The following TCF25 variants were observed in gnomAD, a reference collection of about 807,000 sequenced individuals.
TCF25 encodes ribosome quality control complex subunit TCF25.
A neutral mutation model predicts 83.1 loss-of-function variants in TCF25; 41 were observed. That is an observed-to-expected ratio of 0.49 (90% CI 0.38 to 0.64). The LOEUF is 0.64. Ranked by LOEUF, TCF25 falls within the 30% of genes least tolerant of loss-of-function variation. TCF25 has a pLI of 0.00. For missense variants in TCF25, 979 were observed against 914.5 expected, an observed-to-expected ratio of 1.07 and a Z score of -0.91; for synonymous variants, 458 against 365.0, an observed-to-expected ratio of 1.25 and a Z score of -2.90.
intron 5 of TCF25, chr16:89,889,325 A>T (rs1394156139): frequency 3.4e-6 from 1 of 297,252 alleles, no homozygotes; most frequent in East Asian, 1.2e-4. Flanking sequence ...CTACCGGCAC[A>T]TGCCACCGCT....
chr16:89,893,836 C>T lies in TCF25; in HGVS notation c.806C>T (p.Ser269Phe), dbSNP rs1467135617. The T allele has an allele frequency of 1.2e-6, 2 of 1,609,418 alleles. No homozygotes were observed. Among genetic ancestry groups the T allele is most frequent in the Non-Finnish European group, 8.5e-7 (1 of 1,178,064 alleles). The change falls in exon 7 of 18, where the codon TCT becomes TTT. Residue 269 changes from serine (S) to phenylalanine (F), a missense_variant. By Grantham distance (155) the Ser-to-Phe change is radical. Coordinates refer to ENST00000263346, the MANE Select transcript of TCF25 (RefSeq NM_014972.3). ...AQHKFLVAVE[S>F]MEPNNIVVLL... ...CACAAGTTCCTGGTGGCCGTGGAGTCTATGGAGCCGAACAACATCGTGGTG... is the reference window on the plus strand; with the variant it reads ...CACAAGTTCCTGGTGGCCGTGGAGTTTATGGAGCCGAACAACATCGTGGTG...
intron 4 of TCF25, among the ~76,000 whole-genome samples, chr16:89,887,373 G>A (rs987556774): frequency 1.3e-5 from 2 of 151,692 alleles, no homozygotes; most frequent in East Asian, 1.9e-4. Flanking sequence ...GCACTGCCCC[G>A]ACTCAGCCTC....
At chr16:89,910,332 C>T (rs996810567) in intron 16 of TCF25, 7 of 547,384 alleles carry the variant, frequency 1.3e-5, no homozygotes, top group South Asian at 2.3e-5. Flanking sequence ...AGCCTCGCTC[C>T]GGACGCCACG....
chr16:89,893,450 C>T (rs776003615), intron 6 of TCF25, among the ~76,000 whole-genome samples: 2 of 152,242 alleles, frequency 1.3e-5, no homozygotes, highest in Non-Finnish European at 2.9e-5. Flanking sequence ...CTGACATTCC[C>T]TCCAGGCCAG....
At chr16:89,897,427 C>A (rs8051500) in intron 9 of TCF25, among the ~76,000 whole-genome samples, 6,429 of 152,328 alleles carry the variant, frequency 0.042, 486 homozygotes, top group African/African-American at 0.15. Flanking sequence ...GTTTCTCTGG[C>A]CGCCCTGGGT....
intron 13 of TCF25, 92 bp from the exon 14 acceptor site, chr16:89,904,846 C>T (rs747789415): frequency 1.4e-6 from 2 of 1,459,676 alleles, no homozygotes; most frequent in Admixed American, 2.0e-5. Context: ...ACTCCCTGGA[C>T]CCCCCGTCTG....
chr16:89,882,789 G>A (rs1467447490), intron 1 of TCF25, among the ~76,000 whole-genome samples: 1 of 152,196 alleles, frequency 6.6e-6, no homozygotes, highest in Non-Finnish European at 1.5e-5. Context: ...GTTTCGCCAT[G>A]TTGGCCAGGC....
chr16:89,900,691 T>G lies in TCF25; in HGVS notation c.1278T>G (p.Tyr426Ter). The G allele has an allele frequency of 6.2e-7, 1 of 1,605,874 alleles. No homozygotes were observed. The highest frequency in any genetic ancestry group is 1.1e-5 in the South Asian group (1 of 90,878). The change falls in exon 12 of 18, where the codon TAT (tyrosine) becomes TAG (stop). Residue 426 changes from tyrosine to a stop codon, truncating the protein, a stop_gained. Transcript: ENST00000263346. LOFTEE classifies it high-confidence loss of function. The stretch of plus-strand genomic sequence containing the variant: ...TTGCCTTCTCTGTTCCACTGGCGTA[T>G]TTCCTGCTGAGCCAGCAGACAGACC... ...PNFAFSVPLA[Y>*]FLLSQQTDLP...
At position 89,898,526 on chromosome 16, in the gene TCF25, T is replaced by C. The variant is rs200237629; in HGVS notation, c.1023-31T>C. 337 of 1,549,564 alleles carry C rather than the reference T, an allele frequency of 2.2e-4. No individual in the cohort carries two copies. The South Asian group carries it at 2.6e-3, about 12-fold the overall frequency. On this transcript the variant is annotated intron_variant, in intron 9 of 17. Transcript: ENST00000263346. ...CAGAGAGCATTCTCCTTTGTGTCGT[T>C]GTAATTCATGTGGAACTATTTTGGA...
intron 1 of TCF25, among the ~76,000 whole-genome samples, chr16:89,875,109 C>G (rs936833463): frequency 2.0e-5 from 3 of 152,222 alleles, no homozygotes; most frequent in African/African-American, 4.8e-5. Context: ...AAATAGTCCT[C>G]TCACCTTGGC....
chr16:89,898,001 G>T (rs777132118), intron 9 of TCF25, among the ~76,000 whole-genome samples: 2 of 152,178 alleles, frequency 1.3e-5, no homozygotes, highest in East Asian at 3.9e-4. Context: ...TACTTGGAGA[G>T]GCTGAGGCAG....
chr16:89,875,083 T>G (rs2042075417), intron 1 of TCF25, among the ~76,000 whole-genome samples: 1 of 152,226 alleles, frequency 6.6e-6, no homozygotes, highest in Non-Finnish European at 1.5e-5. Flanking sequence ...CACTGCAACC[T>G]TGAACTCCTG....
rs1246977117 is a variant in TCF25, at chr16:89,883,337, A to C, written c.193-14A>C. 3 of 1,611,914 alleles carry C rather than the reference A, an allele frequency of 1.9e-6. No homozygotes were observed. The highest frequency in any genetic ancestry group is 1.7e-5 in the Admixed American group (1 of 59,968). ...TAAGTAACGCCCTGGCTCTTCTCCA[A>C]CCTGTTTTTCCAGATAAACATTGAC... On this transcript the variant is annotated splice_polypyrimidine_tract_variant and intron_variant, in intron 1 of 17. Coordinates refer to ENST00000263346, the MANE Select transcript of TCF25 (RefSeq NM_014972.3).
chr16:89,884,859 GCCCTCTCCCTCTGCCTGACGC>G lies in TCF25; in HGVS notation c.429+248_429+268del, dbSNP rs1200197671. ...GTCTGACGCCCTCCGTCTGCCTGACGCCCTCTCCCTCTGCCTGACGCCCCTCTCCCTCTGCCTGACGCCCCT... is the reference window on the plus strand; with the variant it reads ...GTCTGACGCCCTCCGTCTGCCTGACGCCCTCTCCCTCTGCCTGACGCCCCT... On this transcript the variant is annotated intron_variant, in intron 3 of 17. Coordinates refer to ENST00000263346, the MANE Select transcript of TCF25 (RefSeq NM_014972.3). 2.1e-3 allele frequency among the ~76,000 whole-genome samples: 165 copies of G among 78,952 alleles called. 4 individuals carry two copies. Among genetic ancestry groups the G allele is most frequent in the Non-Finnish European group, 3.1e-3 (149 of 47,966 alleles). The allele number at this position is 78,952 out of a possible 152,430, so 51.8% of individuals were successfully genotyped here.
intron 6 of TCF25, among the ~76,000 whole-genome samples, chr16:89,892,691 C>G (rs890464245): frequency 6.6e-6 from 1 of 152,212 alleles, no homozygotes; most frequent in Admixed American, 6.5e-5. Context: ...TTATTGCAAA[C>G]TAATAAGTGA....
chr16:89,896,233 T>G, intron 9 of TCF25, 150 bp downstream of exon 9: 1 of 657,016 alleles, frequency 1.5e-6, no homozygotes, highest in Non-Finnish European at 2.6e-6. Flanking sequence ...CTCTCTGGGC[T>G]TAAGGATAGA....
Position 89,900,810 on chromosome 16 carries a change from G to A in TCF25, c.1381+16G>A, listed in dbSNP as rs537427160. On this transcript the variant is annotated intron_variant, in intron 12 of 17. Coordinates refer to ENST00000263346, the MANE Select transcript of TCF25 (RefSeq NM_014972.3). ...TTCCCTGGAGGTGAGTGAGCGCTGT[G>A]TCTCGCCTGGGGTAGGGGTGTGTCC... 3 of 1,558,290 alleles carry A rather than the reference G, an allele frequency of 1.9e-6. No homozygotes were observed. The highest frequency in any genetic ancestry group is 2.6e-6 in the Non-Finnish European group (3 of 1,137,118).
intron 16 of TCF25, among the ~76,000 whole-genome samples, chr16:89,907,897 G>A (rs1463369819): frequency 3.0e-3 from 40 of 13,498 alleles, no homozygotes; most frequent in Non-Finnish European, 3.7e-3. Flanking sequence ...CCCAGCTCCC[G>A]CCTCCCACCT....
intron 1 of TCF25, among the ~76,000 whole-genome samples, chr16:89,881,104 G>A (rs2042574095): frequency 6.6e-6 from 1 of 152,174 alleles, no homozygotes; most frequent in Non-Finnish European, 1.5e-5. Flanking sequence ...GTCTCAGCGG[G>A]CGTTTAAGAT....
Sources: gnomAD v4.1 joint callset for allele counts (sites outside exome capture counted in the v4.1 genomes callset) on GRCh38, gnomAD v4.1.1 for gene constraint, MANE v1.5 for transcripts, NCBI Gene and HGNC (gene_info 2026-07-23, HGNC 2026-07-21) for gene names.